DNM3: variants seen among roughly 807,000 people sequenced by gnomAD.
DNM3 encodes dynamin-3.
Under a neutral mutation model 101.6 loss-of-function variants are expected in DNM3, and 47 were observed. The observed-to-expected ratio is 0.46, with a 90% CI of 0.37 to 0.59. DNM3 has a LOEUF of 0.59. Ranked by LOEUF, DNM3 falls within the 20% of genes least tolerant of loss-of-function variation. The pLI is 0.00. For missense variants in DNM3, 849 were observed against 1,085.7 expected (o/e 0.78, Z 3.06); for synonymous variants, 385 against 387.9 (o/e 0.99, Z 0.09).
intron 1 of DNM3, among the ~76,000 whole-genome samples, chr1:171,850,437 T>A (rs1469608614): frequency 6.6e-6 from 1 of 152,214 alleles, no homozygotes; most frequent in African/African-American, 2.4e-5. Flanking sequence ...CCTGTATATG[T>A]GTGTCTGTTT....
At chr1:172,228,595 A>G (rs2061222926) in intron 14 of DNM3, among the ~76,000 whole-genome samples, 1 of 152,126 alleles carries the variant, frequency 6.6e-6, no homozygotes, top group African/African-American at 2.4e-5. Context: ...TGAAATTTAC[A>G]ATCATTTTGT....
At chr1:172,386,491 C>T (rs1187207095) in intron 18 of DNM3, among the ~76,000 whole-genome samples, 3 of 152,124 alleles carry the variant, frequency 2.0e-5, no homozygotes, top group Admixed American at 6.5e-5. Context: ...CATGTCAGTC[C>T]CCATCACTGT....
At chr1:172,155,262 C>G (rs1469982766) in intron 14 of DNM3, among the ~76,000 whole-genome samples, 1 of 149,028 alleles carries the variant, frequency 6.7e-6, no homozygotes, top group Non-Finnish European at 1.5e-5. Flanking sequence ...AATAAACATG[C>G]ATTTCTCAAC....
At chr1:172,344,433 A>G (rs1173438804) in intron 17 of DNM3, among the ~76,000 whole-genome samples, 1 of 152,138 alleles carries the variant, frequency 6.6e-6, no homozygotes, top group East Asian at 1.9e-4. Context: ...TTAAATATTG[A>G]CACCTTCACA....
intron 14 of DNM3, among the ~76,000 whole-genome samples, chr1:172,230,719 G>A (rs549512211): frequency 2.5e-4 from 38 of 152,050 alleles, no homozygotes; most frequent in African/African-American, 8.0e-4. Flanking sequence ...AGCCCATTGC[G>A]AGCACACTTC....
chr1:171,876,910 G>A (rs956029171), intron 1 of DNM3, among the ~76,000 whole-genome samples: 1 of 152,148 alleles, frequency 6.6e-6, no homozygotes, highest in Non-Finnish European at 1.5e-5. Flanking sequence ...TGTTCCAGGC[G>A]ATTAGCAAAG....
At position 172,412,362 on chromosome 1, in the gene DNM3, G is replaced by A; in HGVS notation, c.*4521G>A. On this transcript the variant is annotated 3_prime_UTR_variant, in exon 21 of 21. Transcript: ENST00000627582. ...TTCCCCCCAACCAGTAATTCCACCA[G>A]TACTACTTGATTTGTGTTATATTTC... 1.0e-6 allele frequency: 1 copy of A among 985,694 alleles called. No individual in the cohort carries two copies. Among genetic ancestry groups the A allele is most frequent in the East Asian group, 1.1e-4 (1 of 8,818 alleles). The allele number at this position is 985,694 out of a possible 1,614,324, so 61.1% of individuals were successfully genotyped here. A position where few individuals can be genotyped will look rare whatever the true frequency, so the allele number is the denominator to read the frequency against.
intron 13 of DNM3, among the ~76,000 whole-genome samples, chr1:172,110,843 C>G (rs890801011): frequency 6.6e-6 from 1 of 152,036 alleles, no homozygotes; most frequent in African/African-American, 2.4e-5. Context: ...GGAGACAAGC[C>G]TGGGCAACAT....
At chr1:172,314,780 C>T (rs1309632489) in intron 16 of DNM3, among the ~76,000 whole-genome samples, 2 of 152,228 alleles carry the variant, frequency 1.3e-5, no homozygotes, top group African/African-American at 4.8e-5. Context: ...GGAGGCCTGC[C>T]TGCCTCTGTA....
chr1:171,849,340 G>A (rs1347558143), intron 1 of DNM3, among the ~76,000 whole-genome samples: 1 of 152,160 alleles, frequency 6.6e-6, no homozygotes, highest in Non-Finnish European at 1.5e-5. Flanking sequence ...CTGCAAAATA[G>A]GGATTGCAGA....
chr1:172,153,753 G>A (rs1369939057), intron 14 of DNM3, among the ~76,000 whole-genome samples: 1 of 152,028 alleles, frequency 6.6e-6, no homozygotes, highest in Admixed American at 6.6e-5. Flanking sequence ...TTAAACCCTA[G>A]GTGTGCATTC....
At chr1:172,174,202 G>A (rs1211994184) in intron 14 of DNM3, among the ~76,000 whole-genome samples, 1 of 151,494 alleles carries the variant, frequency 6.6e-6, no homozygotes, top group Non-Finnish European at 1.5e-5. Flanking sequence ...TTTCTTAAAA[G>A]TACAGTAGCC....
intron 1 of DNM3, among the ~76,000 whole-genome samples, chr1:171,870,366 T>TAGCTGAAGACCAGGAGTC (rs1327463440): frequency 6.6e-6 from 1 of 152,076 alleles, no homozygotes; most frequent in African/African-American, 2.4e-5. Flanking sequence ...CATTGTGATC[T>TAGCTGAAGACCAGGAGTC]AGCTGAAGAC....
chr1:172,221,355 C>G (rs1024543557), intron 14 of DNM3, among the ~76,000 whole-genome samples: 2 of 152,010 alleles, frequency 1.3e-5, no homozygotes, highest in African/African-American at 4.8e-5. Context: ...AATCATATGC[C>G]CTCTTTGGCT....
At chr1:171,962,204 A>G (rs762979117) in intron 2 of DNM3, among the ~76,000 whole-genome samples, 2 of 152,262 alleles carry the variant, frequency 1.3e-5, no homozygotes, top group Non-Finnish European at 2.9e-5. Context: ...TCAAGATCCA[A>G]TCAACTCTTA....
chr1:172,045,774 G>T (rs2049745914), intron 9 of DNM3, among the ~76,000 whole-genome samples: 1 of 152,172 alleles, frequency 6.6e-6, no homozygotes, highest in Non-Finnish European at 1.5e-5. Context: ...TACGAAGGAG[G>T]TGGCCCCTGC....
intron 13 of DNM3, among the ~76,000 whole-genome samples, chr1:172,120,928 A>C (rs1193784536): frequency 6.6e-6 from 1 of 152,176 alleles, no homozygotes; most frequent in Non-Finnish European, 1.5e-5. Flanking sequence ...TAAGGTGCTC[A>C]CTAACTTTCT....
intron 1 of DNM3, among the ~76,000 whole-genome samples, chr1:171,843,910 A>C (rs1311613699): frequency 6.6e-6 from 1 of 152,218 alleles, no homozygotes; most frequent in Non-Finnish European, 1.5e-5. Context: ...TACTTTAAAA[A>C]GTTTTACCAC....
At chr1:172,122,248 A>AT (rs1269261758) in intron 13 of DNM3, among the ~76,000 whole-genome samples, 1 of 152,156 alleles carries the variant, frequency 6.6e-6, no homozygotes, top group African/African-American at 2.4e-5. Context: ...ATATATTACA[A>AT]TTTTTTCCCT....
Sources: allele counts gnomAD v4.1 joint callset (sites outside exome capture counted in the v4.1 genomes callset), GRCh38; gene constraint gnomAD v4.1.1; transcripts MANE v1.5; gene names NCBI Gene and HGNC (gene_info 2026-07-23, HGNC 2026-07-21).